Variants in CACNB4 observed in about 807,000 individuals in gnomAD.
The protein encoded by CACNB4 is calcium voltage-gated channel auxiliary subunit beta 4.
CACNB4 carries 32 observed loss-of-function variants against 71.2 expected under a neutral mutation model. That is an observed-to-expected ratio of 0.45 (90% CI 0.34 to 0.60). CACNB4 has a LOEUF of 0.60. Among genes scored for constraint, CACNB4 ranks in the 20% least tolerant of loss-of-function variants. CACNB4 has a pLI of 0.01. For missense variants in CACNB4, 464 were observed against 647.9 expected (o/e 0.72, Z 3.08); for synonymous variants, 231 against 236.9 (o/e 0.97, Z 0.23).
chr2:151,848,092 T>C (rs1479757367), intron 12 of CACNB4, among the ~76,000 whole-genome samples: 1 of 152,196 alleles, frequency 6.6e-6, no homozygotes, highest in African/African-American at 2.4e-5. Flanking sequence ...ATTCGTATTC[T>C]TCAAAGATAA....
intron 2 of CACNB4, among the ~76,000 whole-genome samples, chr2:152,013,261 CAG>C (rs1384559960): frequency 2.6e-5 from 4 of 152,096 alleles, no homozygotes; most frequent in African/African-American, 9.7e-5. Flanking sequence ...CATGACTGTA[CAG>C]AGTTTTATCA....
At chr2:151,924,280 G>A (rs938250205) in intron 2 of CACNB4, among the ~76,000 whole-genome samples, 57 of 151,148 alleles carry the variant, frequency 3.8e-4, no homozygotes, top group African/African-American at 1.3e-3. Context: ...GGGTTTCACC[G>A]TGTTAGCCAG....
chr2:152,053,549 G>A (rs1316574085), intron 2 of CACNB4, among the ~76,000 whole-genome samples: 4 of 139,550 alleles, frequency 2.9e-5, no homozygotes, highest in African/African-American at 2.6e-5. Flanking sequence ...TTTGAAACAA[G>A]GTCTTGCTCT....
intron 2 of CACNB4, among the ~76,000 whole-genome samples, chr2:151,891,553 T>G (rs1444794803): frequency 1.3e-5 from 2 of 152,234 alleles, no homozygotes; most frequent in Non-Finnish European, 2.9e-5. Flanking sequence ...TTACTTGATA[T>G]GGATGCTTTT....
In CACNB4 at chr2:151,988,863, A is replaced by G. The variant is rs998130676; in HGVS notation, c.148-105493T>C. ...GAACTGGGGAGAGGGAGGCATAAAC[A>G]TGTAGTTGATAGCAATTGCCCAGCA... On this transcript the variant is annotated intron_variant, in intron 2 of 13. Transcript: ENST00000539935. 3.3e-4 allele frequency among the ~76,000 whole-genome samples: 50 copies of G among 152,162 alleles called. 1 individual carries two copies. Among genetic ancestry groups the G allele is most frequent in the Non-Finnish European group, 7.4e-5 (5 of 68,026 alleles).
At chr2:151,991,618 C>T (rs1400556477) in intron 2 of CACNB4, among the ~76,000 whole-genome samples, 2 of 152,140 alleles carry the variant, frequency 1.3e-5, no homozygotes, top group African/African-American at 4.8e-5. Context: ...TAAAGCATAA[C>T]CATAGGAATG....
chr2:151,943,875 A>G (rs921153486), intron 2 of CACNB4, among the ~76,000 whole-genome samples: 9 of 152,228 alleles, frequency 5.9e-5, no homozygotes, highest in Non-Finnish European at 1.2e-4. Flanking sequence ...AGAGACTCCA[A>G]TTTTACCTAC....
chr2:151,902,810 C>T (rs947927971), intron 2 of CACNB4, among the ~76,000 whole-genome samples: 2 of 151,650 alleles, frequency 1.3e-5, no homozygotes, highest in African/African-American at 2.4e-5. Flanking sequence ...AAAAAAAATC[C>T]ACCTAGTTTT....
chr2:151,978,271 TGA>T (rs2099874147), intron 2 of CACNB4, among the ~76,000 whole-genome samples: 1 of 152,150 alleles, frequency 6.6e-6, no homozygotes, highest in Admixed American at 6.5e-5. Context: ...TTGAAATTAA[TGA>T]GTTAAGATAT....
intron 2 of CACNB4, among the ~76,000 whole-genome samples, chr2:151,930,736 T>C (rs150312743): frequency 1.2e-4 from 18 of 152,274 alleles, no homozygotes; most frequent in Non-Finnish European, 4.4e-5. Flanking sequence ...CAGAACACTC[T>C]ATACTCCTTT....
At chr2:152,083,988 A>T (rs4664525) in intron 2 of CACNB4, among the ~76,000 whole-genome samples, 9,070 of 152,252 alleles carry the variant, frequency 0.06, 559 homozygotes, top group Admixed American at 0.2. Flanking sequence ...CACAAGTACA[A>T]ATGCATAAAA....
chr2:152,063,186 G>A (rs985821543), intron 2 of CACNB4, among the ~76,000 whole-genome samples: 4 of 152,174 alleles, frequency 2.6e-5, no homozygotes, highest in African/African-American at 9.7e-5. Context: ...TGATTCTACA[G>A]TGTAAATTTA....
chr2:152,084,016 T>A (rs2105433578), intron 2 of CACNB4, among the ~76,000 whole-genome samples: 1 of 152,302 alleles, frequency 6.6e-6, no homozygotes, highest in African/African-American at 2.4e-5. Context: ...ATTTTAAATA[T>A]ATAAATTACT....
chr2:151,840,049 T>C (rs1007925053), intron 13 of CACNB4, among the ~76,000 whole-genome samples: 1 of 152,224 alleles, frequency 6.6e-6, no homozygotes, highest in African/African-American at 2.4e-5. Context: ...ATACCATTAA[T>C]TGAAATTAGC....
chr2:151,995,343 G>T (rs934109722), intron 2 of CACNB4, among the ~76,000 whole-genome samples: 27 of 152,186 alleles, frequency 1.8e-4, no homozygotes, highest in African/African-American at 4.6e-4. Flanking sequence ...TTTTTTGAGT[G>T]TAAGATTTAT....
At chr2:151,903,784 C>T (rs2099854070) in intron 2 of CACNB4, among the ~76,000 whole-genome samples, 1 of 152,308 alleles carries the variant, frequency 6.6e-6, no homozygotes, top group South Asian at 2.1e-4. Context: ...GAGACTGACT[C>T]TTATTTAAAA....
rs1431353409 is a variant in CACNB4, at chr2:151,838,316, G to A, written c.*803C>T. On this transcript the variant is annotated 3_prime_UTR_variant, in exon 14 of 14. Coordinates refer to ENST00000539935, the MANE Select transcript of CACNB4 (RefSeq NM_000726.5). ...CCTCTCTTTACTATTCTCTCTCACT[G>A]CTGAAAAAAATTTGAGGTTTTTTGC... The A allele has an allele frequency of 6.6e-6, 1 of 152,454 alleles. No individual in the cohort carries two copies. The highest frequency in any genetic ancestry group is 6.6e-5 in the Admixed American group (1 of 15,260). The allele number at this position is 152,454 out of a possible 1,614,324, so 9.4% of individuals were successfully genotyped here.
intron 2 of CACNB4, among the ~76,000 whole-genome samples, chr2:152,039,224 C>T (rs1684751885): frequency 6.6e-6 from 1 of 152,070 alleles, no homozygotes. Flanking sequence ...CAAGACCAGA[C>T]TGGCCAAGAT....
At chr2:152,087,282 A>T (rs1213794814) in intron 2 of CACNB4, among the ~76,000 whole-genome samples, 2 of 151,292 alleles carry the variant, frequency 1.3e-5, no homozygotes, top group Non-Finnish European at 2.9e-5. Flanking sequence ...AAATACAAAA[A>T]TTAGCCAGGC....
Sources: gnomAD v4.1 joint callset for allele counts (sites outside exome capture counted in the v4.1 genomes callset) on GRCh38, gnomAD v4.1.1 for gene constraint, MANE v1.5 for transcripts, NCBI Gene and HGNC (gene_info 2026-07-23, HGNC 2026-07-21) for gene names.